MAPK4: variants seen among roughly 807,000 people sequenced by gnomAD.
MAPK4 encodes the protein mitogen-activated protein kinase 4, also known as Erk3-related.
A neutral mutation model predicts 47.7 loss-of-function variants in MAPK4; 22 were observed. The observed-to-expected ratio is 0.46, with a 90% CI of 0.33 to 0.66. The LOEUF is 0.66. MAPK4 is among the 30% of genes least tolerant of loss of function. The pLI, the probability that MAPK4 is intolerant of heterozygous loss-of-function variation, is 0.02. For missense variants in MAPK4, 736 were observed against 831.7 expected, an observed-to-expected ratio of 0.88 and a Z score of 1.42; for synonymous variants, 390 against 365.7, an observed-to-expected ratio of 1.07 and a Z score of -0.76.
At position 50,730,006 on chromosome 18, in the gene MAPK4, C is replaced by T. The variant is rs1005521319; in HGVS notation, c.*152C>T. The T allele has an allele frequency of 1.3e-5, 10 of 757,178 alleles. No individual in the cohort carries two copies. Among genetic ancestry groups the T allele is most frequent in the Non-Finnish European group, 2.0e-5 (10 of 493,156 alleles). 46.9% of individuals were successfully genotyped at this position (757,178 alleles called of 1,614,324 possible). A position where few individuals can be genotyped will look rare whatever the true frequency, so the allele number is the denominator to read the frequency against. ...CGAGGAGCGAGAGGAATGTCCATTT[C>T]TTAAACTGCCTTAATAACTAGCCTT... On this transcript the variant is annotated 3_prime_UTR_variant, in exon 6 of 6. Transcript: ENST00000400384.
intron 2 of MAPK4, chr18:50,704,934 T>A (rs1909974356): frequency 5.0e-6 from 2 of 396,732 alleles, no homozygotes; most frequent in Non-Finnish European, 8.9e-6. Context: ...GCTTTTGGAC[T>A]CACATTTTCT....
intron 1 of MAPK4, among the ~76,000 whole-genome samples, chr18:50,573,854 T>C (rs2042271536): frequency 1.3e-5 from 2 of 152,354 alleles, no homozygotes; most frequent in African/African-American, 2.4e-5. Context: ...AGTCCTCTTA[T>C]ACCAATGTCT....
rs770269075 is a variant in MAPK4 at position 50,663,741 on chromosome 18, C to T, written c.-218C>T. 23 of 481,088 alleles carry T rather than the reference C, an allele frequency of 4.8e-5. No individual in the cohort carries two copies. Among genetic ancestry groups the T allele is most frequent in the Admixed American group, 1.7e-4 (5 of 28,632 alleles). The allele number at this position is 481,088 out of a possible 1,614,324, so 29.8% of individuals were successfully genotyped here. On this transcript the variant is annotated 5_prime_UTR_variant, in exon 2 of 6. It adds an upstream start codon to the 5' untranslated region. Transcript: ENST00000400384. ...ACAGCCCTCCCAATGCAGGTTAAGA[C>T]GACAGCCTGCGCCCCCAACTAGCAC... is the stretch of plus-strand genomic sequence containing the variant.
chr18:50,693,556 A>G (rs933360730), intron 2 of MAPK4, among the ~76,000 whole-genome samples: 1 of 152,224 alleles, frequency 6.6e-6, no homozygotes, highest in Non-Finnish European at 1.5e-5. Flanking sequence ...GTGCTGCACT[A>G]TGTGATGATC....
chr18:50,566,860 T>G (rs2042203016), intron 1 of MAPK4, among the ~76,000 whole-genome samples: 1 of 152,232 alleles, frequency 6.6e-6, no homozygotes, highest in Non-Finnish European at 1.5e-5. Flanking sequence ...CTACCGGTGA[T>G]CCTGTGATAC....
chr18:50,660,293 C>G (rs1448572869), intron 1 of MAPK4, among the ~76,000 whole-genome samples: 1 of 152,182 alleles, frequency 6.6e-6, no homozygotes, highest in Non-Finnish European at 1.5e-5. Context: ...CTAAGAGAGG[C>G]AGCATCTAAG....
intron 2 of MAPK4, among the ~76,000 whole-genome samples, chr18:50,681,013 A>G (rs1055300720): frequency 3.9e-5 from 6 of 152,146 alleles, no homozygotes; most frequent in African/African-American, 1.4e-4. Flanking sequence ...AAGGGGCCAC[A>G]CTATTTTGCA....
At chr18:50,647,686 G>C (rs540195897) in intron 1 of MAPK4, among the ~76,000 whole-genome samples, 6 of 151,994 alleles carry the variant, frequency 3.9e-5, no homozygotes, top group African/African-American at 1.5e-4. Flanking sequence ...TCCACACCTC[G>C]TTCAGCTCCT....
At chr18:50,696,835 C>T (rs1909538133) in intron 2 of MAPK4, among the ~76,000 whole-genome samples, 1 of 152,176 alleles carries the variant, frequency 6.6e-6, no homozygotes. Flanking sequence ...GGTCCTGGGA[C>T]ATACAGGGAG....
At chr18:50,611,970 G>A (rs192995154) in intron 1 of MAPK4, among the ~76,000 whole-genome samples, 1 of 152,228 alleles carries the variant, frequency 6.6e-6, no homozygotes, top group Non-Finnish European at 1.5e-5. Flanking sequence ...ACAAACCCCA[G>A]GAACCTGAAA....
intron 1 of MAPK4, among the ~76,000 whole-genome samples, chr18:50,566,040 G>A (rs551321724): frequency 5.6e-4 from 85 of 152,166 alleles, no homozygotes; most frequent in Non-Finnish European, 1.1e-3. Flanking sequence ...GCTTCAGTGA[G>A]GAAGACAGTG....
intron 1 of MAPK4, among the ~76,000 whole-genome samples, chr18:50,589,798 T>G (rs1465132598): frequency 6.6e-6 from 1 of 152,196 alleles, no homozygotes; most frequent in East Asian, 1.9e-4. Flanking sequence ...AGCTCTTAAT[T>G]GCGCTGAGAG....
chr18:50,722,068 G>A lies in MAPK4; in HGVS notation c.822G>A (p.Leu274=). 1 of 1,613,472 alleles carries A rather than the reference G, an allele frequency of 6.2e-7. No individual in the cohort carries two copies. Among genetic ancestry groups the A allele is most frequent in the East Asian group, 2.2e-5 (1 of 44,832 alleles). ...VSSTWEVKRP[L]RKLLPEVNSE... ...GCACCTGGGAGGTGAAGAGGCCTCT[G>A]CGCAAGCTGCTCCCTGAAGTGAACA... The change falls in exon 4 of 6, where the codon CTG becomes CTA. Residue 274 remains leucine, a synonymous_variant. Transcript: ENST00000400384.
At chr18:50,640,418 C>A (rs1248985381) in intron 1 of MAPK4, among the ~76,000 whole-genome samples, 1 of 151,618 alleles carries the variant, frequency 6.6e-6, no homozygotes, top group Non-Finnish European at 1.5e-5. Flanking sequence ...GATGCCCTTA[C>A]CAAAAGAGCA....
At chr18:50,679,646 GC>G (rs139801136) in intron 2 of MAPK4, among the ~76,000 whole-genome samples, 10,367 of 152,220 alleles carry the variant, frequency 0.068, 478 homozygotes, top group African/African-American at 0.13. Context: ...ACCTGGAACA[GC>G]AGCTGATGTA....
rs137944708 is a variant in MAPK4 at position 50,695,243 on chromosome 18, G to A, written c.547-19836G>A. Among the ~76,000 whole-genome samples the A allele has an allele frequency of 5.3e-3, 807 of 151,244 alleles. 6 individuals are homozygous for A. The highest frequency in any genetic ancestry group is 0.018 in the African/African-American group (746 of 41,156). ...TGACTGTAATCCCAGCTACTCAGGA[G>A]GCTGAGGCAGAAGAATCGTTTGAAC... is the stretch of plus-strand genomic sequence containing the variant. On this transcript the variant is annotated intron_variant, in intron 2 of 5. Transcript: ENST00000400384.
At position 50,726,152 on chromosome 18, in the gene MAPK4, C is replaced by A. The variant is rs766599064; in HGVS notation, c.1044C>A (p.Ser348=). 2 of 1,614,084 alleles carry A rather than the reference C, an allele frequency of 1.2e-6. No individual in the cohort carries two copies. Among genetic ancestry groups the A allele is most frequent in the Non-Finnish European group, 1.7e-6 (2 of 1,180,048 alleles). The change falls in exon 5 of 6, where the codon TCC becomes TCA. Residue 348 remains serine (S), a synonymous_variant. Coordinates refer to ENST00000400384, the MANE Select transcript of MAPK4 (RefSeq NM_002747.4). The part of the protein sequence containing the change: ...VLMAANQSQL[S]NWDTCSSRYP... ...TGGCCGCTAACCAGAGCCAGCTGTC[C>A]AACTGGGACACGTGCAGTTCCAGGT...
chr18:50,596,796 G>A (rs1433135375), intron 1 of MAPK4, among the ~76,000 whole-genome samples: 1 of 152,172 alleles, frequency 6.6e-6, no homozygotes, highest in Non-Finnish European at 1.5e-5. Context: ...AGTGTGATGA[G>A]GCTGTTAAAC....
At chr18:50,636,755 C>T (rs1319016045) in intron 1 of MAPK4, among the ~76,000 whole-genome samples, 2 of 152,206 alleles carry the variant, frequency 1.3e-5, no homozygotes, top group Non-Finnish European at 2.9e-5. Flanking sequence ...ATCCTTGATT[C>T]CTTCTGGCCC....
Sources: allele counts gnomAD v4.1 joint callset (sites outside exome capture counted in the v4.1 genomes callset), GRCh38; gene constraint gnomAD v4.1.1; transcripts MANE v1.5; gene names NCBI Gene and HGNC (gene_info 2026-07-23, HGNC 2026-07-21).